Variants in DNM3 observed in about 807,000 individuals in gnomAD.
The protein encoded by DNM3 is dynamin-3.
In DNM3, 47 loss-of-function variants were observed where a neutral mutation model predicts 101.6. The observed-to-expected ratio is 0.46, with a 90% CI of 0.37 to 0.59. The LOEUF (loss-of-function observed/expected upper bound fraction) is 0.59. DNM3 is among the 20% of genes least tolerant of loss of function. DNM3 has a pLI of 0.00. For missense variants in DNM3, 849 were observed against 1,085.7 expected (o/e 0.78, Z 3.06); for synonymous variants, 385 against 387.9 (o/e 0.99, Z 0.09).
intron 1 of DNM3, among the ~76,000 whole-genome samples, chr1:171,868,714 G>A (rs1163070218): frequency 1.3e-5 from 2 of 151,994 alleles, no homozygotes; most frequent in Non-Finnish European, 2.9e-5. Flanking sequence ...TAATTTTTGT[G>A]TACCCTCTTA....
chr1:172,388,561 C>T lies in DNM3; in HGVS notation c.2286-12C>T, dbSNP rs752091303. On this transcript the variant is annotated splice_polypyrimidine_tract_variant and intron_variant, in intron 19 of 20. Transcript: ENST00000627582. The stretch of plus-strand genomic sequence containing the variant: ...GAGGAGTGAGCAAACTATGATTTCT[C>T]TTTTTCCTCAGGTCACCTCCTCCAA... 3.1e-6 allele frequency: 5 copies of T among 1,608,700 alleles called. No individual in the cohort carries two copies. The highest frequency in any genetic ancestry group is 4.3e-6 in the Non-Finnish European group (5 of 1,175,496).
intron 14 of DNM3, 48 bp from the exon 15 acceptor site, chr1:172,253,523 TCC>T (rs2062269277): frequency 1.6e-6 from 2 of 1,227,464 alleles, no homozygotes; most frequent in East Asian, 5.1e-5. Flanking sequence ...TCCTCTCCTC[TCC>T]TCTCCTCTCC....
intron 2 of DNM3, among the ~76,000 whole-genome samples, chr1:171,963,597 G>T (rs12025243): frequency 0.28 from 42,318 of 151,936 alleles, 6,380 homozygotes; most frequent in Admixed American, 0.36. Context: ...TGATATTGGG[G>T]TAATGCATAT....
intron 14 of DNM3, among the ~76,000 whole-genome samples, chr1:172,245,240 C>T (rs1049181726): frequency 2.6e-5 from 4 of 152,010 alleles, no homozygotes; most frequent in Non-Finnish European, 4.4e-5. Context: ...TGATTAACAA[C>T]GATAATAAAT....
chr1:172,260,403 A>C (rs893916698), intron 15 of DNM3, among the ~76,000 whole-genome samples: 2 of 152,002 alleles, frequency 1.3e-5, no homozygotes, highest in African/African-American at 4.8e-5. Context: ...TATTTTATTA[A>C]ATAGGTTTTC....
intron 1 of DNM3, among the ~76,000 whole-genome samples, chr1:171,912,502 T>G (rs2039390575): frequency 6.6e-6 from 1 of 152,200 alleles, no homozygotes; most frequent in Non-Finnish European, 1.5e-5. Flanking sequence ...ATGTCATCAC[T>G]ATCCTACTCT....
At position 172,380,582 on chromosome 1, in the gene DNM3, C is replaced by T. The variant is rs114527556; in HGVS notation, c.2058+1400C>T. Among the ~76,000 whole-genome samples the T allele has an allele frequency of 4.8e-3, 737 of 152,042 alleles. 6 individuals are homozygous for T. The highest frequency in any genetic ancestry group is 0.017 in the African/African-American group (704 of 41,504). On this transcript the variant is annotated intron_variant, in intron 18 of 20. Coordinates refer to ENST00000627582, the MANE Select transcript of DNM3 (RefSeq NM_015569.5). Reference sequence around the variant, plus strand: ...TTTTGACCAATGGCTTTCTGTGTAACCTAAAGCAAATCATTTCGCCCCTTT... The same window carrying T: ...TTTTGACCAATGGCTTTCTGTGTAATCTAAAGCAAATCATTTCGCCCCTTT...
chr1:172,099,665 T>C (rs1264122047), intron 13 of DNM3, among the ~76,000 whole-genome samples: 1 of 152,012 alleles, frequency 6.6e-6, no homozygotes, highest in Non-Finnish European at 1.5e-5. Context: ...CAGAAAAAGT[T>C]TGTGCTAGGA....
intron 10 of DNM3, among the ~76,000 whole-genome samples, chr1:172,066,467 C>G (rs566359045): frequency 6.6e-6 from 1 of 152,126 alleles, no homozygotes; most frequent in South Asian, 2.1e-4. Flanking sequence ...GTCGCTAGTC[C>G]TCTTCTTATA....
chr1:172,378,478 G>A (rs1004168913), intron 17 of DNM3, among the ~76,000 whole-genome samples: 3 of 151,122 alleles, frequency 2.0e-5, no homozygotes, highest in African/African-American at 4.9e-5. Context: ...GCAAGTGCAT[G>A]GAAGAATAAA....
At chr1:172,077,627 G>A (rs1482632450) in intron 11 of DNM3, among the ~76,000 whole-genome samples, 1 of 152,178 alleles carries the variant, frequency 6.6e-6, no homozygotes, top group African/African-American at 2.4e-5. Context: ...GCGCTTTTGA[G>A]TTTCTTAATC....
chr1:171,893,920 A>G (rs1193449587), intron 1 of DNM3, among the ~76,000 whole-genome samples: 1 of 152,112 alleles, frequency 6.6e-6, no homozygotes, highest in African/African-American at 2.4e-5. Context: ...AGTTATATAT[A>G]TATATTTTTT....
At chr1:172,239,154 T>C (rs188437539) in intron 14 of DNM3, among the ~76,000 whole-genome samples, 1 of 152,144 alleles carries the variant, frequency 6.6e-6, no homozygotes, top group African/African-American at 2.4e-5. Context: ...GAAAGCAGAG[T>C]TTAAATAGGC....
chr1:172,030,810 A>G (rs1366680911), intron 4 of DNM3, among the ~76,000 whole-genome samples: 1 of 152,246 alleles, frequency 6.6e-6, no homozygotes, highest in Non-Finnish European at 1.5e-5. Context: ...AAAGCTCATC[A>G]TCACTGGTCA....
chr1:172,144,709 A>T (rs1389139574), intron 14 of DNM3: 1 of 475,166 alleles, frequency 2.1e-6, no homozygotes, highest in Non-Finnish European at 4.3e-6. Context: ...CAGGGGTTGC[A>T]TTCAGCTTTC....
At chr1:172,069,001 T>A in intron 11 of DNM3, 96 bp downstream of exon 11, 1 of 1,011,800 alleles carries the variant, frequency 9.9e-7, no homozygotes. Context: ...GCCTGTCGCT[T>A]AAAGGAAAAA....
At chr1:172,180,469 A>G (rs190722321) in intron 14 of DNM3, among the ~76,000 whole-genome samples, 133 of 152,232 alleles carry the variant, frequency 8.7e-4, no homozygotes, top group Non-Finnish European at 6.9e-4. Flanking sequence ...TAAATAGTCT[A>G]AGGACAAGTG....
chr1:172,187,308 A>G lies in DNM3; in HGVS notation c.1659+56020A>G, dbSNP rs573421111. On this transcript the variant is annotated intron_variant, in intron 14 of 20. Transcript: ENST00000627582. Reference sequence around the variant, plus strand: ...GTTTATTTGTAAATTAATTTTTACTATAAAATATTTTAATACATATATAAA... The same window carrying G: ...GTTTATTTGTAAATTAATTTTTACTGTAAAATATTTTAATACATATATAAA... Among the ~76,000 whole-genome samples, 200 of 152,194 alleles carry G rather than the reference A, an allele frequency of 1.3e-3. 2 individuals carry two copies. Among genetic ancestry groups the G allele is most frequent in the Non-Finnish European group, 2.1e-3 (143 of 68,008 alleles).
In DNM3 at chr1:172,308,719, TA is replaced by T; in HGVS notation, c.1770-7del. The T allele has an allele frequency of 6.8e-7, 1 of 1,469,466 alleles. No individual in the cohort carries two copies. Among genetic ancestry groups the T allele is most frequent in the Non-Finnish European group, 9.1e-7 (1 of 1,094,354 alleles). 91.0% of individuals were successfully genotyped at this position (1,469,466 alleles called of 1,614,324 possible). ...CTAAAAGCATGATTTTTTTTTTTTT[TA>T]ACTCCAGGAATGTATACAAAGACTA... On this transcript the variant is annotated splice_polypyrimidine_tract_variant and splice_region_variant and intron_variant, in intron 15 of 20. Transcript: ENST00000627582.
Sources: allele counts gnomAD v4.1 joint callset (sites outside exome capture counted in the v4.1 genomes callset), GRCh38; gene constraint gnomAD v4.1.1; transcripts MANE v1.5; gene names NCBI Gene and HGNC (gene_info 2026-07-23, HGNC 2026-07-21).